The following ENTREP2 variants were observed in gnomAD, a reference collection of about 807,000 sequenced individuals.
ENTREP2 encodes endosomal transmembrane epsin interactor 2.
chr15:29,384,910 G>A, the ENTREP2 span, among the ~76,000 whole-genome samples: 3 of 152,224 alleles, frequency 2.0e-5, no homozygotes, highest in Middle Eastern at 3.4e-3. Context: ...CTGGCCTCAC[G>A]CAGACTAAGC....
the ENTREP2 span, among the ~76,000 whole-genome samples, chr15:29,534,246 C>T: frequency 6.7e-6 from 1 of 150,022 alleles, no homozygotes; most frequent in Middle Eastern, 3.4e-3. Context: ...TACTGGGAAT[C>T]TATTTTCTCG....
chr15:29,471,662 C>T, the ENTREP2 span, among the ~76,000 whole-genome samples: 5 of 152,178 alleles, frequency 3.3e-5, no homozygotes, highest in Non-Finnish European at 7.4e-5. Flanking sequence ...GCAATGCACG[C>T]ATACACCGGG....
chr15:29,269,843 T>G, the ENTREP2 span: 1 of 839,590 alleles, frequency 1.2e-6, no homozygotes, highest in Non-Finnish European at 1.7e-6. Context: ...TCATGAAGCC[T>G]GCGCCTTGCG....
At chr15:29,520,034 G>A in the ENTREP2 span, among the ~76,000 whole-genome samples, 1 of 151,926 alleles carries the variant, frequency 6.6e-6, no homozygotes, top group Non-Finnish European at 1.5e-5. Context: ...CCCAAATCCT[G>A]TAAAACTGCC....
the ENTREP2 span, among the ~76,000 whole-genome samples, chr15:29,658,100 T>A: frequency 6.6e-6 from 1 of 152,174 alleles, no homozygotes; most frequent in Non-Finnish European, 1.5e-5. Context: ...TTATCTTGAA[T>A]TATAATTTCC....
the ENTREP2 span, among the ~76,000 whole-genome samples, chr15:29,586,656 C>G: frequency 6.6e-6 from 1 of 150,944 alleles, no homozygotes; most frequent in Non-Finnish European, 1.5e-5. Context: ...GGCTGAGACA[C>G]GAGAATCACT....
chr15:29,333,028 T>A, the ENTREP2 span, among the ~76,000 whole-genome samples: 1 of 150,780 alleles, frequency 6.6e-6, no homozygotes, highest in East Asian at 2.0e-4. Flanking sequence ...TGCATTCTAA[T>A]TAGAGCACAT....
chr15:29,208,092 C>G, the ENTREP2 span, among the ~76,000 whole-genome samples: 1 of 152,146 alleles, frequency 6.6e-6, no homozygotes, highest in African/African-American at 2.4e-5. Context: ...GTGTCCCCTA[C>G]AGCAGGGATG....
the ENTREP2 span, among the ~76,000 whole-genome samples, chr15:29,334,648 G>T: frequency 1.1e-4 from 17 of 152,182 alleles, no homozygotes; most frequent in African/African-American, 3.6e-4. Context: ...AATTAAAGGT[G>T]GCTTCTCCTC....
the ENTREP2 span, among the ~76,000 whole-genome samples, chr15:29,418,079 C>T: frequency 6.6e-5 from 10 of 152,092 alleles, no homozygotes; most frequent in African/African-American, 1.9e-4. Context: ...TTTAAAGACC[C>T]ACTATCATGG....
the ENTREP2 span, among the ~76,000 whole-genome samples, chr15:29,340,318 C>A: frequency 6.6e-6 from 1 of 152,052 alleles, no homozygotes; most frequent in Admixed American, 6.6e-5. Context: ...TGGGTTTTTG[C>A]AGGAAGAATA....
the ENTREP2 span, among the ~76,000 whole-genome samples, chr15:29,625,912 T>C: frequency 3.9e-5 from 6 of 152,006 alleles, no homozygotes; most frequent in Admixed American, 3.9e-4. Context: ...AGTGGCATGA[T>C]CTCCACTCAC....
chr15:29,407,140 C>T, the ENTREP2 span, among the ~76,000 whole-genome samples: 1 of 152,164 alleles, frequency 6.6e-6, no homozygotes, highest in Non-Finnish European at 1.5e-5. Flanking sequence ...ACCTAGATGG[C>T]GAAGCCCACT....
chr15:29,591,832 GAGAAGAAGA>G, the ENTREP2 span, among the ~76,000 whole-genome samples: 826 of 140,174 alleles, frequency 5.9e-3, 14 homozygotes, highest in African/African-American at 0.018. Flanking sequence ...CATCTCAAAA[GAGAAGAAGA>G]AGAAGAAGAA....
chr15:29,335,093 G>A, the ENTREP2 span, among the ~76,000 whole-genome samples: 1 of 152,290 alleles, frequency 6.6e-6, no homozygotes, highest in Non-Finnish European at 1.5e-5. Flanking sequence ...GAGGGTTCTA[G>A]TCACTGGTCT....
chr15:29,659,398 G>T, the ENTREP2 span, among the ~76,000 whole-genome samples: 1 of 152,114 alleles, frequency 6.6e-6, no homozygotes, highest in East Asian at 1.9e-4. Flanking sequence ...TTGAATCCGG[G>T]AAGCGGAGGT....
chr15:29,395,860 T>C, the ENTREP2 span, among the ~76,000 whole-genome samples: 1 of 152,136 alleles, frequency 6.6e-6, no homozygotes, highest in South Asian at 2.1e-4. Context: ...TTGCATCTCC[T>C]TAAGGATTAG....
the ENTREP2 span, among the ~76,000 whole-genome samples, chr15:29,307,587 T>C: frequency 1.3e-5 from 2 of 152,230 alleles, no homozygotes; most frequent in African/African-American, 2.4e-5. Flanking sequence ...CATTCATATG[T>C]TGAAGCCTTA....
chr15:29,143,158 C>G, the ENTREP2 span, among the ~76,000 whole-genome samples: 1 of 152,176 alleles, frequency 6.6e-6, no homozygotes, highest in Non-Finnish European at 1.5e-5. Context: ...TTCCTAGATT[C>G]CCACCAGCAC....
Sources: gnomAD v4.1 joint callset for allele counts (sites outside exome capture counted in the v4.1 genomes callset) on GRCh38, gnomAD v4.1.1 for gene constraint, MANE v1.5 for transcripts, NCBI Gene and HGNC (gene_info 2026-07-23, HGNC 2026-07-21) for gene names.